Variants in EPS15 observed in about 807,000 individuals in gnomAD.
EPS15 encodes the protein epidermal growth factor receptor pathway substrate 15, also known as epidermal growth factor receptor substrate 15.
Under a neutral mutation model 113.8 loss-of-function variants are expected in EPS15, and 72 were observed. The ratio of observed to expected loss-of-function variants is 0.63; its 90% CI spans 0.52 to 0.77. EPS15 has a LOEUF of 0.77. Ranked by LOEUF, EPS15 falls within the 30% of genes least tolerant of loss-of-function variation. The pLI is 0.00. For synonymous variants in EPS15, 344 were observed against 363.4 expected (o/e 0.95, Z 0.61); for missense variants, 1,048 against 1,045.8 (o/e 1.00, Z -0.03).
intron 12 of EPS15, among the ~76,000 whole-genome samples, chr1:51,425,746 C>T (rs186064650): frequency 3.3e-5 from 5 of 152,260 alleles, no homozygotes; most frequent in African/African-American, 4.8e-5. Context: ...GAACCCTAGT[C>T]TTATTTTTCA....
intron 21 of EPS15, among the ~76,000 whole-genome samples, chr1:51,381,351 G>C (rs370443635): frequency 2.0e-5 from 3 of 152,172 alleles, no homozygotes; most frequent in African/African-American, 4.8e-5. Flanking sequence ...CCAACACTTT[G>C]GGAGGCCGAG....
At chr1:51,364,824 T>C (rs563835399) in intron 22 of EPS15, among the ~76,000 whole-genome samples, 42 of 151,406 alleles carry the variant, frequency 2.8e-4, no homozygotes, top group African/African-American at 1.0e-3. Flanking sequence ...TGAAGCAAAC[T>C]GATCCCATAA....
intron 21 of EPS15, among the ~76,000 whole-genome samples, chr1:51,391,429 C>A (rs192281624): frequency 2.9e-3 from 444 of 151,570 alleles, no homozygotes; most frequent in Non-Finnish European, 4.7e-3. Flanking sequence ...CTAACCTGCA[C>A]ATTGTGCACA....
Position 51,363,978 on chromosome 1 carries a change from G to T in EPS15, c.2247C>A (p.Asn749Lys). 1 of 1,613,726 alleles carries T rather than the reference G, an allele frequency of 6.2e-7. No individual in the cohort carries two copies. ...CAAATACATTTTTTGTAATCACTAC[G>T]TTGCTGACAGAGCTCGATGTGGCTG... ...FRSATSSSVSNVVITKNVFEE... is the reference protein window; with the variant it reads ...FRSATSSSVSKVVITKNVFEE... Residue 749 changes from asparagine to lysine, a missense_variant, in exon 23 of 25, where the codon AAC (asparagine) becomes AAA (lysine). Coordinates refer to ENST00000371733, the MANE Select transcript of EPS15 (RefSeq NM_001981.3).
At chr1:51,370,219 T>C (rs1056139955) in intron 21 of EPS15, among the ~76,000 whole-genome samples, 4 of 152,226 alleles carry the variant, frequency 2.6e-5, no homozygotes, top group Non-Finnish European at 4.4e-5. Flanking sequence ...TGTGGTGATG[T>C]TGGTGTAAAC....
chr1:51,451,033 G>A (rs1653501769), intron 8 of EPS15, among the ~76,000 whole-genome samples: 1 of 151,746 alleles, frequency 6.6e-6, no homozygotes, highest in African/African-American at 2.4e-5. Context: ...CTTGAATAAT[G>A]CTAACCAGGA....
At chr1:51,518,813 G>C (rs948813876) in intron 1 of EPS15, among the ~76,000 whole-genome samples, 1 of 151,766 alleles carries the variant, frequency 6.6e-6, no homozygotes, top group South Asian at 2.1e-4. Flanking sequence ...AGCTCAACAG[G>C]AGCTCACCTG....
chr1:51,501,644 A>G (rs1644417084), intron 1 of EPS15, among the ~76,000 whole-genome samples: 1 of 151,762 alleles, frequency 6.6e-6, no homozygotes, highest in Admixed American at 6.6e-5. Flanking sequence ...ACGCCCAGCT[A>G]ATTTTTGTGT....
chr1:51,463,781 T>C lies in EPS15; in HGVS notation c.393A>G (p.Lys131=). 1 of 1,597,770 alleles carries C rather than the reference T, an allele frequency of 6.3e-7. No individual in the cohort carries two copies. Among genetic ancestry groups the C allele is most frequent in the African/African-American group, 1.3e-5 (1 of 74,644 alleles). The change falls in exon 7 of 25, where the codon AAA becomes AAG. Residue 131 remains lysine, a synonymous_variant. Transcript: ENST00000371733. The part of the protein sequence containing the change: ...PWAVKPEDKA[K]YDAIFDSLSP... ...TTAAACTATCAAATATTGCATCATA[T>C]TTGGCCTTATCTTCAGGCTACAATA...
At chr1:51,364,986 T>C (rs1351121429) in intron 22 of EPS15, among the ~76,000 whole-genome samples, 2 of 151,988 alleles carry the variant, frequency 1.3e-5, no homozygotes, top group East Asian at 1.9e-4. Flanking sequence ...CGTGCCGGCA[T>C]GCCTGACCAA....
At chr1:51,501,577 C>CAA (rs1391542302) in intron 1 of EPS15, among the ~76,000 whole-genome samples, 1 of 151,624 alleles carries the variant, frequency 6.6e-6, no homozygotes, top group African/African-American at 2.4e-5. Context: ...CTCCCGGGTT[C>CAA]AAGCGATTCT....
At position 51,393,398 on chromosome 1, in the gene EPS15, C is replaced by T. The variant is rs185622421; in HGVS notation, c.2119+983G>A. 4.6e-5 allele frequency among the ~76,000 whole-genome samples: 7 copies of T among 152,276 alleles called. No homozygotes were observed. In the East Asian group the frequency reaches 9.6e-4, roughly 21 times the overall value. On this transcript the variant is annotated intron_variant, in intron 21 of 24. Coordinates refer to ENST00000371733, the MANE Select transcript of EPS15 (RefSeq NM_001981.3). Reference sequence around the variant, plus strand: ...CTAATTTTTGCATTTTTAGTGGAGACGGGGTTTCACCATGTTGGCCAGGCT... The same window carrying T: ...CTAATTTTTGCATTTTTAGTGGAGATGGGGTTTCACCATGTTGGCCAGGCT...
Position 51,483,334 on chromosome 1 carries a change from T to C in EPS15, c.34-2020A>G, listed in dbSNP as rs183364152. Among the ~76,000 whole-genome samples the C allele has an allele frequency of 9.5e-4, 145 of 152,258 alleles. 1 individual carries two copies. Among genetic ancestry groups the C allele is most frequent in the African/African-American group, 3.5e-3 (144 of 41,558 alleles). ...TGTTAATCTTACTGTGCCTAATTTA[T>C]AAATTAAACTTTATCACAGGTATGA... On this transcript the variant is annotated intron_variant, in intron 1 of 24. Coordinates refer to ENST00000371733, the MANE Select transcript of EPS15 (RefSeq NM_001981.3).
At chr1:51,455,822 T>G (rs2148492900) in intron 8 of EPS15, among the ~76,000 whole-genome samples, 1 of 152,290 alleles carries the variant, frequency 6.6e-6, no homozygotes, top group Admixed American at 6.5e-5. Context: ...TAAATCTATT[T>G]TTGTGTATGT....
intron 1 of EPS15, among the ~76,000 whole-genome samples, chr1:51,500,512 T>C (rs1156930377): frequency 2.0e-5 from 3 of 152,124 alleles, no homozygotes. Flanking sequence ...TATTTCATTG[T>C]GGTTTTTGTT....
Position 51,463,699 on chromosome 1 carries a change from T to G in EPS15, c.475A>C (p.Lys159Gln). The change falls in exon 7 of 25, where the codon AAG becomes CAG. Residue 159 changes from lysine (K) to glutamine (Q), a missense_variant. Coordinates refer to ENST00000371733, the MANE Select transcript of EPS15 (RefSeq NM_001981.3). Reference sequence around the variant, plus strand: ...CTTCCAAGGATATCCACAGGTAACTTAGAGTTGAGCAACACTGGTTTCACT... The same window carrying G: ...CTTCCAAGGATATCCACAGGTAACTGAGAGTTGAGCAACACTGGTTTCACT... ...DKVKPVLLNSKLPVDILGRVW... is the reference protein window; with the variant it reads ...DKVKPVLLNSQLPVDILGRVW... 6.3e-7 allele frequency: 1 copy of G among 1,598,794 alleles called. No individual in the cohort carries two copies.
In EPS15 at chr1:51,356,639, A is replaced by G. The variant is rs759506869; in HGVS notation, c.*61T>C. The G allele has an allele frequency of 4.6e-5, 66 of 1,449,256 alleles. No homozygotes were observed. The highest frequency in any genetic ancestry group is 3.6e-4 in the Admixed American group (19 of 52,850). The allele number at this position is 1,449,256 out of a possible 1,614,324, so 89.8% of individuals were successfully genotyped here. ...CACAGGTAGTTTTGATACACATTGT[A>G]AATAGTTTCAGTATTCAGGAAGAAG... is the stretch of plus-strand genomic sequence containing the variant. On this transcript the variant is annotated 3_prime_UTR_variant, in exon 25 of 25. Coordinates refer to ENST00000371733, the MANE Select transcript of EPS15 (RefSeq NM_001981.3).
At chr1:51,392,024 G>A (rs1647426242) in intron 21 of EPS15, among the ~76,000 whole-genome samples, 2 of 152,162 alleles carry the variant, frequency 1.3e-5, no homozygotes, top group African/African-American at 4.8e-5. Context: ...TGAAGCCACA[G>A]ATGAGTTCCC....
intron 8 of EPS15, among the ~76,000 whole-genome samples, chr1:51,455,186 G>GAACTTACC (rs1167848847): frequency 1.3e-5 from 2 of 152,154 alleles, no homozygotes; most frequent in South Asian, 2.1e-4. Flanking sequence ...TACACTTGCA[G>GAACTTACC]AACTTACCCC....
Sources: allele counts gnomAD v4.1 joint callset (sites outside exome capture counted in the v4.1 genomes callset), GRCh38; gene constraint gnomAD v4.1.1; transcripts MANE v1.5; gene names NCBI Gene and HGNC (gene_info 2026-07-23, HGNC 2026-07-21).